Variants in WDR62 observed in about 807,000 individuals in gnomAD.
WDR62 encodes WD repeat domain 62.
In WDR62, 112 loss-of-function variants were observed where a neutral mutation model predicts 160.6. The observed-to-expected ratio is 0.70, with a 90% CI of 0.60 to 0.82. The LOEUF (loss-of-function observed/expected upper bound fraction) is 0.82. Ranked by LOEUF, WDR62 falls within the 40% of genes least tolerant of loss-of-function variation. The pLI, the probability that WDR62 is intolerant of heterozygous loss-of-function variation, is 0.00. For missense variants in WDR62, 1,819 were observed against 1,983.8 expected, an observed-to-expected ratio of 0.92 and a Z score of 1.58; for synonymous variants, 792 against 815.1, an observed-to-expected ratio of 0.97 and a Z score of 0.48.
intron 20 of WDR62, among the ~76,000 whole-genome samples, chr19:36,095,847 G>A (rs111769432): frequency 5.3e-5 from 8 of 152,296 alleles, no homozygotes; most frequent in East Asian, 1.9e-4. Context: ...GATATTGTCC[G>A]GAATCTTTTT....
At chr19:36,107,900 G>C (rs1973742852), downstream of WDR62, among the ~76,000 whole-genome samples, 1 of 152,098 alleles carries the variant, frequency 6.6e-6, no homozygotes, top group Admixed American at 6.6e-5. Flanking sequence ...TGAGCTGACA[G>C]GGTCCCAGCA....
chr19:36,100,863 C>T lies in WDR62; in HGVS notation c.2855C>T (p.Thr952Ile). ...TCTCTGGAGGCAGAAGTGACAGTCA[C>T]AGGGACAGACAGGTGGGTGTCCTTT... is the stretch of plus-strand genomic sequence containing the variant. The part of the protein sequence containing the change: ...LYSLEAEVTV[T>I]GTDSQYCRKE... The change falls in exon 23 of 32, where the codon ACA (threonine) becomes ATA (isoleucine). Residue 952 changes from threonine (T) to isoleucine (I), a missense_variant. Thr to Ile is a moderately conservative substitution (Grantham distance 89). Transcript: ENST00000401500. 1.2e-6 allele frequency: 2 copies of T among 1,614,238 alleles called. No homozygotes were observed. Among genetic ancestry groups the T allele is most frequent in the Non-Finnish European group, 1.7e-6 (2 of 1,180,030 alleles).
chr19:36,089,388 C>A, intron 15 of WDR62, 82 bp downstream of exon 15: 2 of 1,608,646 alleles, frequency 1.2e-6, no homozygotes, highest in South Asian at 2.2e-5. Flanking sequence ...TTCCTCTGGT[C>A]CCCAAGAAGC....
chr19:36,103,607 C>T lies in WDR62; in HGVS notation c.3779C>T (p.Ser1260Phe). Residue 1260 changes from serine to phenylalanine, a missense_variant, in exon 30 of 32, where the codon TCC (serine) becomes TTC (phenylalanine). Coordinates refer to ENST00000401500, the MANE Select transcript of WDR62 (RefSeq NM_001083961.2). ...RRPSSVGELA[S>F]LGQELQAITT... is the part of the protein sequence containing the mutation. Reference sequence around the variant, plus strand: ...CCATCGTCCGTTGGGGAGCTGGCCTCCTTGGGCCAGGAGCTTCAGGCCATC... The same window carrying T: ...CCATCGTCCGTTGGGGAGCTGGCCTTCTTGGGCCAGGAGCTTCAGGCCATC... 1 of 1,612,832 alleles carries T rather than the reference C, an allele frequency of 6.2e-7. No individual in the cohort carries two copies. The highest frequency in any genetic ancestry group is 8.5e-7 in the Non-Finnish European group (1 of 1,180,012).
At chr19:36,059,186 G>A in intron 2 of WDR62, 1 of 507,894 alleles carries the variant, frequency 2.0e-6, no homozygotes, top group Admixed American at 2.4e-5. Context: ...GCTCTGCCAT[G>A]TATGCTGCTC....
intron 3 of WDR62, chr19:36,060,437 C>T (rs371209591): frequency 3.3e-5 from 7 of 210,452 alleles, no homozygotes; most frequent in Admixed American, 1.0e-4. Context: ...GTAGGGAGAG[C>T]GCTTCAGGCA....
At chr19:36,064,481 G>A (rs953683958) in intron 3 of WDR62, among the ~76,000 whole-genome samples, 6 of 152,090 alleles carry the variant, frequency 3.9e-5, no homozygotes, top group African/African-American at 7.2e-5. Flanking sequence ...GGGTTTCACC[G>A]TGTTAGCCAG....
chr19:36,073,209 G>A (rs747779617), intron 8 of WDR62, 133 bp from the exon 9 acceptor site: 2 of 868,604 alleles, frequency 2.3e-6, no homozygotes, highest in Admixed American at 1.9e-5. Context: ...AGTAGAATTG[G>A]AGCAGGAGAG....
rs115992386 is a variant in WDR62, at chr19:36,095,883, G to A, written c.2468-1144G>A. 6.7e-3 allele frequency among the ~76,000 whole-genome samples: 1,026 copies of A among 152,340 alleles called. 8 individuals carry two copies. Among genetic ancestry groups the A allele is most frequent in the Middle Eastern group, 0.027 (8 of 294 alleles). On this transcript the variant is annotated intron_variant, in intron 20 of 31. Coordinates refer to ENST00000401500, the MANE Select transcript of WDR62 (RefSeq NM_001083961.2). The stretch of plus-strand genomic sequence containing the variant: ...CCTCTGCAAAGTCTCTCATCTACCT[G>A]TATGTTGGTGAATACAAAGCAGACG...
intron 9 of WDR62, chr19:36,075,347 C>T (rs1277577047): frequency 6.6e-6 from 1 of 151,180 alleles, no homozygotes; most frequent in African/African-American, 2.4e-5. Context: ...TCGCTCTCTT[C>T]TAAGGTTCTA....
chr19:36,090,717 C>A (rs1972544513), intron 16 of WDR62, among the ~76,000 whole-genome samples, 197 bp downstream of exon 16: 2 of 152,174 alleles, frequency 1.3e-5, no homozygotes, highest in Admixed American at 1.3e-4. Context: ...TTTACAGAGC[C>A]CTTCCCCAAG....
intron 10 of WDR62, chr19:36,082,047 C>T (rs953466058): frequency 5.6e-5 from 20 of 358,122 alleles, no homozygotes; most frequent in East Asian, 4.4e-4. Flanking sequence ...AGTGAGAGGG[C>T]GTCTCTGGGG....
chr19:36,102,250 T>G (rs893685215), intron 26 of WDR62, 99 bp downstream of exon 26: 1 of 1,556,164 alleles, frequency 6.4e-7, no homozygotes, highest in Admixed American at 1.7e-5. Context: ...GCCAGGAGGG[T>G]GAGTGGAGAG....
In WDR62 at chr19:36,103,653, T is replaced by C. The variant is rs781730309; in HGVS notation, c.3825T>C (p.Ser1275=). ...CCATCACCACCGCGACAACACCCAG[T>C]TTGGACAGTGAGGGCCAAGAGCCTG... ...LQAITTATTP[S]LDSEGQEPAL... Residue 1275 remains serine (S), a synonymous_variant, in exon 30 of 32, where the codon AGT becomes AGC. Transcript: ENST00000401500. 1.2e-6 allele frequency: 2 copies of C among 1,610,102 alleles called. No homozygotes were observed. The highest frequency in any genetic ancestry group is 1.1e-5 in the South Asian group (1 of 91,038).
rs1973188430 is a variant in WDR62 at position 36,099,449 on chromosome 19, C to T, written c.2571C>T (p.Ser857=). 1.9e-6 allele frequency: 3 copies of T among 1,613,862 alleles called. No homozygotes were observed. The highest frequency in any genetic ancestry group is 1.3e-5 in the African/African-American group (1 of 75,066). Residue 857 remains serine, a synonymous_variant, in exon 22 of 32, where the codon AGC becomes AGT. Transcript: ENST00000401500. ...ADGLAFHAKR[S]YQPHGRWAER... is the part of the protein sequence containing the mutation. ...GCTTGGCCTTCCACGCCAAGCGCAG[C>T]TACCAGCCCCACGGCCGCTGGGCAG...
intron 1 of WDR62, among the ~76,000 whole-genome samples, chr19:36,056,452 A>G (rs1377996209): frequency 6.6e-6 from 1 of 152,048 alleles, no homozygotes; most frequent in African/African-American, 2.4e-5. Context: ...GGCCTTTGTG[A>G]TTGGTGAGTC....
At chr19:36,110,928 T>C in the WDR62 span, among the ~76,000 whole-genome samples, 2 of 151,730 alleles carry the variant, frequency 1.3e-5, no homozygotes, top group Non-Finnish European at 2.9e-5. Flanking sequence ...CAGGCCCATC[T>C]CCCCTTGCCT....
chr19:36,091,340 T>TGGCCCC (rs1972592521), intron 17 of WDR62, 29 bp downstream of exon 17: 18 of 1,578,728 alleles, frequency 1.1e-5, no homozygotes, highest in East Asian at 4.5e-5. Context: ...TTGGGATGCC[T>TGGCCCC]CCCCACCCGC....
rs544365960 is a variant in WDR62, at chr19:36,099,270, T to C, written c.2521-129T>C. On this transcript the variant is annotated intron_variant, in intron 21 of 31. Transcript: ENST00000401500. ...CAGAGAAAGGTTCACGCTGGAGATA[T>C]GTACCTGGAAGTTGTTTCTGAATGG... The C allele has an allele frequency of 1.9e-4, 132 of 700,426 alleles. 4 individuals carry two copies. Among genetic ancestry groups the C allele is most frequent in the South Asian group, 1.7e-3 (110 of 64,996 alleles). The allele number at this position is 700,426 out of a possible 1,614,324, so 43.4% of individuals were successfully genotyped here.
Sources: gnomAD v4.1 joint callset for allele counts (sites outside exome capture counted in the v4.1 genomes callset) on GRCh38, gnomAD v4.1.1 for gene constraint, MANE v1.5 for transcripts, NCBI Gene and HGNC (gene_info 2026-07-23, HGNC 2026-07-21) for gene names.